POU2F1: variants seen among roughly 807,000 people sequenced by gnomAD.
POU2F1 encodes the protein POU class 2 homeobox 1, also known as POU domain, class 2, transcription factor 1.
In POU2F1, 16 loss-of-function variants were observed where a neutral mutation model predicts 84.9. The observed-to-expected ratio is 0.19, with a 90% CI of 0.13 to 0.29. The LOEUF (loss-of-function observed/expected upper bound fraction) is 0.29. Ranked by LOEUF, POU2F1 falls within the 10% of genes least tolerant of loss-of-function variation. The probability of loss-of-function intolerance (pLI) is 1.00; values close to 1 mark genes in which losing one functional copy is unlikely to be tolerated. For synonymous variants in POU2F1, 368 were observed against 368.3 expected (o/e 1.00, Z 0.01); for missense variants, 738 against 942.6 (o/e 0.78, Z 2.84).
At chr1:167,362,335 A>T (rs1161756029) in intron 2 of POU2F1, among the ~76,000 whole-genome samples, 8 of 152,100 alleles carry the variant, frequency 5.3e-5, no homozygotes, top group African/African-American at 1.9e-4. Context: ...GTATTCTGTT[A>T]TGAGGTGGTT....
intron 1 of POU2F1, among the ~76,000 whole-genome samples, chr1:167,253,900 C>A (rs1037358024): frequency 6.6e-6 from 1 of 152,056 alleles, no homozygotes; most frequent in Non-Finnish European, 1.5e-5. Flanking sequence ...CTATTTGCTC[C>A]TTGCTTTTCT....
chr1:167,282,046 T>C (rs1653178612), intron 1 of POU2F1, among the ~76,000 whole-genome samples: 1 of 152,174 alleles, frequency 6.6e-6, no homozygotes, highest in Non-Finnish European at 1.5e-5. Context: ...CTCCTACTCT[T>C]GCCTAGGGTT....
At chr1:167,221,316 G>C (rs1000933586) in intron 1 of POU2F1, among the ~76,000 whole-genome samples, 1 of 151,066 alleles carries the variant, frequency 6.6e-6, no homozygotes, top group African/African-American at 2.4e-5. Flanking sequence ...GCGGGTCCGC[G>C]GCGGGGCGGC....
intron 2 of POU2F1, among the ~76,000 whole-genome samples, chr1:167,332,826 A>T (rs945244642): frequency 2.0e-5 from 3 of 152,296 alleles, no homozygotes; most frequent in African/African-American, 7.2e-5. Context: ...TGGGTTTACC[A>T]CTTACTAGCT....
chr1:167,345,098 C>G (rs1658102719), intron 2 of POU2F1, among the ~76,000 whole-genome samples: 1 of 152,086 alleles, frequency 6.6e-6, no homozygotes, highest in Admixed American at 6.6e-5. Flanking sequence ...TCAATAGGTG[C>G]AGCAAACCAC....
At chr1:167,314,813 A>G (rs965895652) in intron 1 of POU2F1, among the ~76,000 whole-genome samples, 5 of 152,098 alleles carry the variant, frequency 3.3e-5, no homozygotes, top group Non-Finnish European at 1.5e-5. Context: ...TAATACACAT[A>G]GAGTTTGGAT....
intron 7 of POU2F1, among the ~76,000 whole-genome samples, chr1:167,381,603 CTTTTTTTTTTTTTT>C (rs147770215): frequency 1.5e-5 from 1 of 65,988 alleles, no homozygotes; most frequent in Non-Finnish European, 2.7e-5. Flanking sequence ...GCTCTCTTCT[CTTTTTTTTTTTTTT>C]TTTTTTTTTT....
At chr1:167,300,521 G>A (rs904574109) in intron 1 of POU2F1, among the ~76,000 whole-genome samples, 3 of 152,092 alleles carry the variant, frequency 2.0e-5, no homozygotes, top group Non-Finnish European at 4.4e-5. Context: ...CCAGAGTGTA[G>A]TGGCGCGATC....
intron 1 of POU2F1, among the ~76,000 whole-genome samples, chr1:167,270,395 G>A (rs1652284889): frequency 6.6e-6 from 1 of 152,108 alleles, no homozygotes. Context: ...GGGTACAGCA[G>A]TCTGCAAGAA....
intron 1 of POU2F1, among the ~76,000 whole-genome samples, chr1:167,260,873 GTGCATTTAATGCACTAAAATTTTAA>G (rs1483221803): frequency 2.6e-5 from 4 of 152,020 alleles, no homozygotes; most frequent in Non-Finnish European, 4.4e-5. Flanking sequence ...TAAAATTTTA[GTGCATTTAATGCACTAAAATTTTAA>G]TGCATTAGCT....
In POU2F1 at chr1:167,353,558, A is replaced by G. The variant is rs1297317745; in HGVS notation, c.128-11909A>G. Among the ~76,000 whole-genome samples, 5 of 151,904 alleles carry G rather than the reference A, an allele frequency of 3.3e-5. No individual in the cohort carries two copies. The South Asian group carries it at 6.3e-4, about 19-fold the overall frequency. On this transcript the variant is annotated intron_variant, in intron 2 of 15. Coordinates refer to ENST00000367866, the MANE Select transcript of POU2F1 (RefSeq NM_002697.4). The stretch of plus-strand genomic sequence containing the variant: ...AACCTCAAGTCTTTCCTTCCACCCT[A>G]TCTGCCCCTTTGAATTATCATCCTC...
At chr1:167,397,254 T>C (rs998247406) in intron 10 of POU2F1, among the ~76,000 whole-genome samples, 2 of 152,252 alleles carry the variant, frequency 1.3e-5, no homozygotes, top group Non-Finnish European at 2.9e-5. Context: ...ATATTTCATT[T>C]GTTTCTTTTC....
intron 2 of POU2F1, among the ~76,000 whole-genome samples, chr1:167,348,246 G>T (rs1658328013): frequency 6.6e-6 from 1 of 152,130 alleles, no homozygotes; most frequent in Non-Finnish European, 1.5e-5. Context: ...TGGTATTTGT[G>T]TATCTAAACA....
At position 167,296,814 on chromosome 1, in the gene POU2F1, T is replaced by C. The variant is rs1349726333; in HGVS notation, c.62-35656T>C. On this transcript the variant is annotated intron_variant, in intron 1 of 15. Transcript: ENST00000367866. Reference sequence around the variant, plus strand: ...TAACTATCCAGCATATTTCCAATTATATGCAAAGCACTGTAGTGTGAAATA... The same window carrying C: ...TAACTATCCAGCATATTTCCAATTACATGCAAAGCACTGTAGTGTGAAATA... Among the ~76,000 whole-genome samples the C allele has an allele frequency of 2.0e-5, 3 of 152,236 alleles. No individual in the cohort carries two copies. In the East Asian group the frequency reaches 5.8e-4, roughly 29 times the overall value.
intron 1 of POU2F1, among the ~76,000 whole-genome samples, chr1:167,322,743 A>G (rs1656411392): frequency 6.6e-6 from 1 of 152,216 alleles, no homozygotes; most frequent in Non-Finnish European, 1.5e-5. Flanking sequence ...ACAAAGCTTT[A>G]CCCACATATT....
chr1:167,261,133 A>G lies in POU2F1; in HGVS notation c.61+40175A>G, dbSNP rs1571186505. ...AGGAGAGTGGTTCCCAGTCAACCAT[A>G]ACATATCTAAAATTTGTCTGATTAC... On this transcript the variant is annotated intron_variant, in intron 1 of 15. Coordinates refer to ENST00000367866, the MANE Select transcript of POU2F1 (RefSeq NM_002697.4). Among the ~76,000 whole-genome samples the G allele has an allele frequency of 2.6e-5, 4 of 152,302 alleles. No homozygotes were observed. In the South Asian group the frequency reaches 8.3e-4, roughly 32 times the overall value.
chr1:167,407,395 T>C (rs992726126), intron 13 of POU2F1, among the ~76,000 whole-genome samples: 4 of 152,238 alleles, frequency 2.6e-5, no homozygotes, highest in Admixed American at 2.0e-4. Flanking sequence ...TTCTTTGTTT[T>C]GTTTTAAAGA....
At chr1:167,285,699 T>C (rs112510186) in intron 1 of POU2F1, among the ~76,000 whole-genome samples, 5 of 152,338 alleles carry the variant, frequency 3.3e-5, no homozygotes, top group African/African-American at 1.2e-4. Context: ...AGAATTAAAT[T>C]TCTTCTCTGC....
At chr1:167,409,785 T>C (rs1649828295) in intron 13 of POU2F1, among the ~76,000 whole-genome samples, 1 of 152,168 alleles carries the variant, frequency 6.6e-6, no homozygotes, top group Non-Finnish European at 1.5e-5. Context: ...GAGCTCAAGA[T>C]ATTAGGACTT....
Sources: allele counts gnomAD v4.1 joint callset (sites outside exome capture counted in the v4.1 genomes callset), GRCh38; gene constraint gnomAD v4.1.1; transcripts MANE v1.5; gene names NCBI Gene and HGNC (gene_info 2026-07-23, HGNC 2026-07-21).